CPAMD8: variants seen among roughly 807,000 people sequenced by gnomAD.
CPAMD8 encodes the protein C3 and PZP-like alpha-2-macroglobulin domain-containing protein 8.
Under a neutral mutation model 224.7 loss-of-function variants are expected in CPAMD8, and 146 were observed. That is an observed-to-expected ratio of 0.65 (90% CI 0.57 to 0.75). The LOEUF is 0.75. CPAMD8 is among the 30% of genes least tolerant of loss of function. The pLI, the probability that CPAMD8 is intolerant of heterozygous loss-of-function variation, is 0.00. For synonymous variants in CPAMD8, 966 were observed against 1,044.6 expected, an observed-to-expected ratio of 0.92 and a Z score of 1.45; for missense variants, 2,301 against 2,537.5, an observed-to-expected ratio of 0.91 and a Z score of 2.00.
intron 30 of CPAMD8, among the ~76,000 whole-genome samples, chr19:16,905,540 C>CAA (rs5827346): frequency 2.4e-4 from 19 of 80,380 alleles, no homozygotes; most frequent in Non-Finnish European, 3.4e-4. Context: ...AACTCCGTTT[C>CAA]AAAAAAAAAA....
intron 12 of CPAMD8, among the ~76,000 whole-genome samples, chr19:16,992,392 C>G (rs2055985898): frequency 6.6e-6 from 1 of 150,762 alleles, no homozygotes; most frequent in Admixed American, 6.6e-5. Context: ...GAGTTTGAGA[C>G]CAGCCTGGGC....
At chr19:16,945,115 T>C (rs1319988808) in intron 22 of CPAMD8, among the ~76,000 whole-genome samples, 1 of 152,178 alleles carries the variant, frequency 6.6e-6, no homozygotes, top group African/African-American at 2.4e-5. Flanking sequence ...CCTGGATTCA[T>C]AGCTGGGGGT....
intron 19 of CPAMD8, among the ~76,000 whole-genome samples, chr19:16,955,962 C>A (rs978761009): frequency 1.3e-4 from 20 of 152,278 alleles, no homozygotes; most frequent in Admixed American, 2.6e-4. Context: ...CAGGCATAAG[C>A]CACCACACCC....
At position 17,026,684 on chromosome 19, in the gene CPAMD8, G is replaced by A. The variant is rs1304575680; in HGVS notation, c.-42C>T. 2.4e-4 allele frequency: 324 copies of A among 1,363,246 alleles called. No individual in the cohort carries two copies. The highest frequency in any genetic ancestry group is 3.0e-4 in the Non-Finnish European group (321 of 1,063,088). The allele number at this position is 1,363,246 out of a possible 1,614,324, so 84.4% of individuals were successfully genotyped here. ...GGCGCCGCGCCTGGGGAGGGGGCCG[G>A]GCCAGGGCTGGGCCAGGGCCAGGGT... On this transcript the variant is annotated 5_prime_UTR_variant, in exon 1 of 42. Transcript: ENST00000443236.
rs1225292285 is a variant in CPAMD8 at position 16,993,409 on chromosome 19, C to T, written c.1266+7G>A. 1.2e-6 allele frequency: 2 copies of T among 1,610,564 alleles called. No individual in the cohort carries two copies. The highest frequency in any genetic ancestry group is 1.7e-5 in the Admixed American group (1 of 59,542). ...CTGAATAACAAGGGTCCACGGGACT[C>T]ACCCACCTCCAGCCACACGTGCTGG... On this transcript the variant is annotated splice_region_variant and intron_variant, in intron 12 of 41. Coordinates refer to ENST00000443236, the MANE Select transcript of CPAMD8 (RefSeq NM_015692.5).
rs181380656 is a variant in CPAMD8, at chr19:17,016,459, C to T, written c.267+3872G>A. The stretch of plus-strand genomic sequence containing the variant: ...CTGCTCCAGGGAAATGGCTTCCTGA[C>T]TCATAAGAAAGCAGATCTAGGCTGG... On this transcript the variant is annotated intron_variant, in intron 3 of 41. Coordinates refer to ENST00000443236, the MANE Select transcript of CPAMD8 (RefSeq NM_015692.5). 2.0e-3 allele frequency among the ~76,000 whole-genome samples: 311 copies of T among 152,220 alleles called. 1 individual carries two copies. The highest frequency in any genetic ancestry group is 7.2e-3 in the African/African-American group (299 of 41,534).
intron 23 of CPAMD8, among the ~76,000 whole-genome samples, chr19:16,929,696 A>C (rs2053489385): frequency 6.6e-6 from 1 of 152,158 alleles, no homozygotes; most frequent in South Asian, 2.1e-4. Flanking sequence ...TCTCTAAAAA[A>C]CAAGCAAGAT....
At chr19:16,949,338 G>A (rs2054226753) in intron 20 of CPAMD8, among the ~76,000 whole-genome samples, 1 of 152,224 alleles carries the variant, frequency 6.6e-6, no homozygotes, top group East Asian at 1.9e-4. Context: ...AGGTTTCAGA[G>A]GGAAACCTCC....
At chr19:16,923,710 TC>T (rs1298582699) in intron 26 of CPAMD8, among the ~76,000 whole-genome samples, 1 of 152,186 alleles carries the variant, frequency 6.6e-6, no homozygotes, top group African/African-American at 2.4e-5. Flanking sequence ...GCACCTGGAA[TC>T]CCAGCACTTT....
chr19:16,902,069 G>A (rs2052280750), intron 35 of CPAMD8, among the ~76,000 whole-genome samples: 1 of 152,128 alleles, frequency 6.6e-6, no homozygotes, highest in African/African-American at 2.4e-5. Context: ...GCCCGCTGCG[G>A]CCGGGTCCCA....
intron 21 of CPAMD8, 28 bp downstream of exon 21, chr19:16,947,046 G>T: frequency 1.9e-6 from 3 of 1,562,264 alleles, no homozygotes; most frequent in South Asian, 2.4e-5. Flanking sequence ...GGAGAGGGGG[G>T]ACACCCCAAG....
rs541629634 is a variant in CPAMD8 at position 16,924,983 on chromosome 19, T to C, written c.3547+213A>G. On this transcript the variant is annotated intron_variant, in intron 26 of 41. Transcript: ENST00000443236. ...TAAAAAGATGCTTTTCCTCTCCCTG[T>C]ATCTGAACAGCACCATCTCATCCTA... Among the ~76,000 whole-genome samples, 5 of 152,348 alleles carry C rather than the reference T, an allele frequency of 3.3e-5. No homozygotes were observed. The East Asian group carries it at 9.6e-4, about 29-fold the overall frequency.
chr19:16,893,486 C>T (rs981233980), intron 41 of CPAMD8, 147 bp from the exon 42 acceptor site: 53 of 593,710 alleles, frequency 8.9e-5, no homozygotes, highest in Non-Finnish European at 1.5e-4. Flanking sequence ...CTTGATCTCA[C>T]AGGCAGCGAG....
rs368949659 is a variant in CPAMD8, at chr19:16,975,968, A to T, written c.1908+34T>A. On this transcript the variant is annotated intron_variant, in intron 16 of 41. Coordinates refer to ENST00000443236, the MANE Select transcript of CPAMD8 (RefSeq NM_015692.5). ...AGCAAGAGAAGGTAAAGCCCCGTGG[A>T]GGTCTAGAACCCAAGCCCGAGGGGT... is the stretch of plus-strand genomic sequence containing the variant. 2.0e-6 allele frequency: 3 copies of T among 1,488,422 alleles called. No homozygotes were observed. The African/African-American group carries it at 4.3e-5, about 21-fold the overall frequency. 92.2% of individuals were successfully genotyped at this position (1,488,422 alleles called of 1,614,324 possible).
intron 5 of CPAMD8, among the ~76,000 whole-genome samples, chr19:17,010,691 T>A (rs2056621026): frequency 6.6e-6 from 1 of 152,078 alleles, no homozygotes; most frequent in Non-Finnish European, 1.5e-5. Flanking sequence ...TGTAAGTATA[T>A]ATACATATAC....
Position 17,009,339 on chromosome 19 carries a change from T to G in CPAMD8, c.487-19A>C. The G allele has an allele frequency of 6.2e-7, 1 of 1,614,016 alleles. No individual in the cohort carries two copies. Among genetic ancestry groups the G allele is most frequent in the Non-Finnish European group, 8.5e-7 (1 of 1,179,922 alleles). On this transcript the variant is annotated intron_variant, in intron 5 of 41. Coordinates refer to ENST00000443236, the MANE Select transcript of CPAMD8 (RefSeq NM_015692.5). ...CTTCCAGCTGTAATGAAGACACAGA[T>G]GCAGTGAGCAAATCTTCCAGCAAAC...
intron 7 of CPAMD8, among the ~76,000 whole-genome samples, chr19:17,006,543 A>C (rs1259898645): frequency 1.3e-5 from 2 of 151,898 alleles, no homozygotes; most frequent in Non-Finnish European, 2.9e-5. Context: ...AAAAAAAAAA[A>C]AACTTTTTAA....
chr19:16,997,294 G>A lies in CPAMD8; in HGVS notation c.912C>T (p.Ile304=), dbSNP rs1212595188. 1.3e-6 allele frequency: 2 copies of A among 1,584,352 alleles called. No homozygotes were observed. The highest frequency in any genetic ancestry group is 1.7e-6 in the Non-Finnish European group (2 of 1,159,916). Residue 304 remains isoleucine, a synonymous_variant, in exon 11 of 42, where the codon ATC becomes ATT. Coordinates refer to ENST00000443236, the MANE Select transcript of CPAMD8 (RefSeq NM_015692.5). The stretch of plus-strand genomic sequence containing the variant: ...GGAAGTGCTCAGGGACGTCCGCTGG[G>A]ATCATGTCCCTCACGCAGATGTCGA... The part of the protein sequence containing the change: ...RDFDICVRDM[I]PADVPEHFRG...
chr19:16,990,188 A>G (rs1457471774), intron 12 of CPAMD8, among the ~76,000 whole-genome samples: 1 of 152,146 alleles, frequency 6.6e-6, no homozygotes, highest in Non-Finnish European at 1.5e-5. Context: ...CAGGAGGCAG[A>G]GGCTGCAGTG....
Sources: gnomAD v4.1 joint callset for allele counts (sites outside exome capture counted in the v4.1 genomes callset) on GRCh38, gnomAD v4.1.1 for gene constraint, MANE v1.5 for transcripts, NCBI Gene and HGNC (gene_info 2026-07-23, HGNC 2026-07-21) for gene names.